The following NPAS3 variants were observed in gnomAD, a reference collection of about 807,000 sequenced individuals.
NPAS3 encodes the protein neuronal PAS domain-containing protein 3.
In NPAS3, 14 loss-of-function variants were observed where a neutral mutation model predicts 73.1. That is an observed-to-expected ratio of 0.19 (90% CI 0.13 to 0.30). The LOEUF (loss-of-function observed/expected upper bound fraction) is 0.30. Among genes scored for constraint, NPAS3 ranks in the 10% least tolerant of loss-of-function variants. The pLI, the probability that NPAS3 is intolerant of heterozygous loss-of-function variation, is 1.00. For missense variants in NPAS3, 1,096 were observed against 1,250.0 expected (o/e 0.88, Z 1.86); for synonymous variants, 620 against 541.5 (o/e 1.14, Z -2.01).
rs140038584 is a variant in NPAS3, at chr14:33,439,271, G to T, written c.468+72003G>T. On this transcript the variant is annotated intron_variant, in intron 4 of 11. Transcript: ENST00000356141. ...GCCTGCATAAGCTACAAAAAAGAAA[G>T]GAACATTCACTTGTGTATATTAGGA... Among the ~76,000 whole-genome samples, 191 of 152,296 alleles carry T rather than the reference G, an allele frequency of 1.3e-3. 1 individual carries two copies. Among genetic ancestry groups the T allele is most frequent in the Admixed American group, 0.011 (170 of 15,294 alleles).
intron 1 of NPAS3, among the ~76,000 whole-genome samples, chr14:32,964,821 AAAAG>A (rs2037083726): frequency 6.6e-6 from 1 of 151,736 alleles, no homozygotes. Context: ...ACAAAAAAAA[AAAAG>A]AAGAAGATTA....
At chr14:33,775,624 A>G (rs530265867) in intron 8 of NPAS3, among the ~76,000 whole-genome samples, 108 of 152,320 alleles carry the variant, frequency 7.1e-4, no homozygotes, top group South Asian at 2.1e-3. Context: ...AACCCACCTG[A>G]GCTATGAGTG....
intron 7 of NPAS3, among the ~76,000 whole-genome samples, chr14:33,752,454 TC>T (rs757552212): frequency 3.3e-5 from 5 of 152,184 alleles, no homozygotes; most frequent in Non-Finnish European, 7.3e-5. Context: ...GACTCTTGGC[TC>T]TTTTTCATGT....
At chr14:33,590,410 T>C (rs2057021712) in intron 5 of NPAS3, among the ~76,000 whole-genome samples, 1 of 152,268 alleles carries the variant, frequency 6.6e-6, no homozygotes, top group South Asian at 2.1e-4. Context: ...CTGAGGATTT[T>C]TGACATGTGA....
At chr14:33,663,051 A>T (rs748259419) in intron 5 of NPAS3, among the ~76,000 whole-genome samples, 6 of 151,434 alleles carry the variant, frequency 4.0e-5, no homozygotes, top group Non-Finnish European at 8.8e-5. Context: ...CTCTCTTCCT[A>T]TTTGAATACC....
intron 1 of NPAS3, among the ~76,000 whole-genome samples, chr14:33,030,695 G>C (rs2039959271): frequency 6.6e-6 from 1 of 152,158 alleles, no homozygotes; most frequent in Non-Finnish European, 1.5e-5. Context: ...TAGAAAGGCA[G>C]CCTTTTAGTA....
In NPAS3 at chr14:33,800,071, G is replaced by A. The variant is rs1383101312; in HGVS notation, c.1764G>A (p.Glu588=). 1 of 1,600,362 alleles carries A rather than the reference G, an allele frequency of 6.2e-7. No individual in the cohort carries two copies. The highest frequency in any genetic ancestry group is 8.5e-7 in the Non-Finnish European group (1 of 1,176,742). The change falls in exon 12 of 12, where the codon GAG becomes GAA. Residue 588 remains glutamate (E), a synonymous_variant. Coordinates refer to ENST00000356141, the Ensembl canonical transcript of NPAS3. The surrounding 1 kb of genome is among the most constrained non-coding windows in gnomAD (Gnocchi z 6.5). ...CCAAGGACTCGGACAGCGCAGGCGA[G>A]GCGGGCGCGCAGGCCTCCAGCAAGC...
At chr14:33,415,957 A>G (rs927756240) in intron 4 of NPAS3, among the ~76,000 whole-genome samples, 1 of 152,030 alleles carries the variant, frequency 6.6e-6, no homozygotes, top group African/African-American at 2.4e-5. Flanking sequence ...ATTATATTTA[A>G]TTGCTGTTTT....
intron 1 of NPAS3, among the ~76,000 whole-genome samples, chr14:33,006,747 C>T (rs1405620162): frequency 1.3e-5 from 2 of 152,084 alleles, no homozygotes; most frequent in Non-Finnish European, 2.9e-5. Context: ...CCTCTTTATA[C>T]CTTCCATAAC....
At chr14:33,021,479 A>G (rs976676365) in intron 1 of NPAS3, among the ~76,000 whole-genome samples, 1 of 152,148 alleles carries the variant, frequency 6.6e-6, no homozygotes. Context: ...GTCACAAATT[A>G]TGGCCCAAGG....
chr14:33,680,465 C>T (rs2059902657), intron 6 of NPAS3: 1 of 621,378 alleles, frequency 1.6e-6, no homozygotes, highest in Non-Finnish European at 2.8e-6. Flanking sequence ...GTTCCTGTTC[C>T]TGTGTATGTA....
chr14:33,551,859 C>G (rs572786767), intron 4 of NPAS3, among the ~76,000 whole-genome samples: 2 of 152,176 alleles, frequency 1.3e-5, no homozygotes, highest in Non-Finnish European at 2.9e-5. Context: ...GAGCACTCCA[C>G]GCGTTTCCCC....
chr14:33,168,086 G>A (rs1436141339), intron 2 of NPAS3, among the ~76,000 whole-genome samples: 4 of 152,106 alleles, frequency 2.6e-5, no homozygotes, highest in African/African-American at 7.2e-5. Context: ...TGATTTCCGG[G>A]CTCTCTGAGC....
intron 3 of NPAS3, among the ~76,000 whole-genome samples, chr14:33,305,915 C>A (rs2140170157): frequency 6.6e-6 from 1 of 152,234 alleles, no homozygotes; most frequent in Non-Finnish European, 1.5e-5. Context: ...AGTGTAGGCC[C>A]AGCAAAACAT....
At chr14:33,177,109 T>TC (rs2045619965) in intron 2 of NPAS3, among the ~76,000 whole-genome samples, 2 of 145,160 alleles carry the variant, frequency 1.4e-5, no homozygotes, top group African/African-American at 5.1e-5. Context: ...TTATTATTAT[T>TC]ATCTTTGAGA....
At position 33,662,809 on chromosome 14, in the gene NPAS3, G is replaced by A. The variant is rs2059344856; in HGVS notation, c.559-13402G>A. Among the ~76,000 whole-genome samples the A allele has an allele frequency of 2.0e-5, 3 of 150,496 alleles. No individual in the cohort carries two copies. The South Asian group carries it at 6.3e-4, about 32-fold the overall frequency. On this transcript the variant is annotated intron_variant, in intron 5 of 11. Coordinates refer to ENST00000356141, the Ensembl canonical transcript of NPAS3. ...TTTGCACACTGATTTTGTATCCTGAGACTTTGCTGAAGTTGCTTATCAGCT... is the reference window on the plus strand; with the variant it reads ...TTTGCACACTGATTTTGTATCCTGAAACTTTGCTGAAGTTGCTTATCAGCT...
chr14:33,799,576 C>T (rs1242236897), intron 11 of NPAS3, among the ~76,000 whole-genome samples, 158 bp from the exon 12 acceptor site: 2 of 152,188 alleles, frequency 1.3e-5, no homozygotes, highest in African/African-American at 4.8e-5. Flanking sequence ...GGTCTTAAGT[C>T]CTCTGAAGGT....
In NPAS3 at chr14:33,296,118, A is replaced by G. The variant is rs556640819; in HGVS notation, c.386-71068A>G. On this transcript the variant is annotated intron_variant, in intron 3 of 11. Transcript: ENST00000356141. ...AAAAAAATGCAAGCGGTGACTTAGA[A>G]CTTTGGAATTAGCCTTGATTTTTCA... 3.3e-5 allele frequency among the ~76,000 whole-genome samples: 5 copies of G among 152,328 alleles called. No individual in the cohort carries two copies. In the South Asian group the frequency reaches 8.3e-4, roughly 25 times the overall value.
At chr14:33,793,828 T>TAA (rs36025922) in intron 9 of NPAS3, 69 bp from the exon 10 acceptor site, 521 of 1,318,840 alleles carry the variant, frequency 4.0e-4, no homozygotes, top group South Asian at 4.8e-4. Context: ...TTTGCAGAGA[T>TAA]AAAAAAAAAA....
Sources: gnomAD v4.1 joint callset for allele counts (sites outside exome capture counted in the v4.1 genomes callset) on GRCh38, gnomAD v4.1.1 for gene constraint, Gnocchi (gnomAD v3.1) non-coding constraint, MANE v1.5 for transcripts, NCBI Gene and HGNC (gene_info 2026-07-23, HGNC 2026-07-21) for gene names.